CIB4: variants seen among roughly 807,000 people sequenced by gnomAD.
The protein encoded by CIB4 is calcium and integrin-binding family member 4.
Under a neutral mutation model 25.8 loss-of-function variants are expected in CIB4, and 25 were observed. The observed-to-expected ratio is 0.97, with a 90% CI of 0.71 to 1.35. The LOEUF is 1.35. CIB4 is among the 40% of genes most tolerant of loss of function. The pLI is 0.00. For missense variants in CIB4, 235 were observed against 228.2 expected (o/e 1.03, Z -0.19); for synonymous variants, 75 against 81.4 (o/e 0.92, Z 0.42).
intron 2 of CIB4, among the ~76,000 whole-genome samples, chr2:26,635,908 A>C (rs1367518269): frequency 6.6e-6 from 1 of 152,232 alleles, no homozygotes; most frequent in Non-Finnish European, 1.5e-5. Flanking sequence ...TAGATTAAAA[A>C]TGCAAATAGT....
chr2:26,590,280 A>AAAC (rs967982350), intron 4 of CIB4, among the ~76,000 whole-genome samples: 6 of 151,056 alleles, frequency 4.0e-5, no homozygotes, highest in Non-Finnish European at 7.4e-5. Flanking sequence ...AAAAAAAAAA[A>AAAC]AAAACTCACA....
At chr2:26,586,341 C>A (rs186218075) in intron 4 of CIB4, among the ~76,000 whole-genome samples, 73 of 152,356 alleles carry the variant, frequency 4.8e-4, no homozygotes, top group African/African-American at 1.7e-3. Flanking sequence ...CCTCGGGACA[C>A]TCTCACCCAG....
At chr2:26,631,795 ATGAGGGATGGG>A (rs1669424636) in intron 2 of CIB4, among the ~76,000 whole-genome samples, 1 of 152,042 alleles carries the variant, frequency 6.6e-6, no homozygotes, top group Non-Finnish European at 1.5e-5. Context: ...GACTGGAGGT[ATGAGGGATGGG>A]TGGGGATTTA....
Position 26,627,649 on chromosome 2 carries a change from C to T in CIB4, c.186+1761G>A, listed in dbSNP as rs1380260179. On this transcript the variant is annotated intron_variant, in intron 3 of 6. Transcript: ENST00000288861. This position sits in a 1 kb window ranked among gnomAD's most constrained non-coding sequence, Gnocchi z 4.0. ...AGGAAGTGGGGGGTGCCAGGAAGAC[C>T]GCCTCCCCATTTTGTTTCTGTCACA... Among the ~76,000 whole-genome samples, 12 of 152,180 alleles carry T rather than the reference C, an allele frequency of 7.9e-5. No individual in the cohort carries two copies. In the South Asian group the frequency reaches 2.1e-3, roughly 26 times the overall value.
At chr2:26,610,799 T>C (rs1444645169) in intron 3 of CIB4, among the ~76,000 whole-genome samples, 1 of 150,148 alleles carries the variant, frequency 6.7e-6, no homozygotes, top group African/African-American at 2.5e-5. Context: ...AGTAAGTCCA[T>C]TGTATAGATT....
chr2:26,601,231 A>AATATATATAT (rs1165155834), intron 3 of CIB4, among the ~76,000 whole-genome samples: 21 of 17,206 alleles, frequency 1.2e-3, no homozygotes, highest in African/African-American at 3.1e-3. Flanking sequence ...AAAAAAAAAA[A>AATATATATAT]ATATATATAT....
intron 2 of CIB4, among the ~76,000 whole-genome samples, chr2:26,632,126 G>C (rs1392332915): frequency 6.6e-6 from 1 of 152,342 alleles, no homozygotes; most frequent in Non-Finnish European, 1.5e-5. Flanking sequence ...ACCTCTCTGA[G>C]CACGCAGGCC....
chr2:26,639,440 A>G (rs534906178), intron 2 of CIB4, among the ~76,000 whole-genome samples: 3 of 148,178 alleles, frequency 2.0e-5, no homozygotes, highest in Non-Finnish European at 4.4e-5. Context: ...ACTGAGAACC[A>G]TTATTTGAAT....
intron 4 of CIB4, among the ~76,000 whole-genome samples, chr2:26,592,810 T>C (rs1375962299): frequency 6.6e-6 from 1 of 152,268 alleles, no homozygotes; most frequent in Admixed American, 6.5e-5. Context: ...TTCTTTCTTA[T>C]AGTTTCTACT....
chr2:26,610,267 C>T (rs1422188403), intron 3 of CIB4, among the ~76,000 whole-genome samples: 1 of 152,186 alleles, frequency 6.6e-6, no homozygotes, highest in African/African-American at 2.4e-5. Flanking sequence ...TTATCAAACA[C>T]ATCTAAGCAA....
At chr2:26,623,257 C>T (rs879604807) in intron 3 of CIB4, among the ~76,000 whole-genome samples, 12 of 151,844 alleles carry the variant, frequency 7.9e-5, no homozygotes, top group African/African-American at 2.4e-4. Flanking sequence ...GCAGGAGGAT[C>T]GCTTTAGCCC....
At chr2:26,628,701 G>A (rs1195463107) in intron 3 of CIB4, among the ~76,000 whole-genome samples, 2 of 152,204 alleles carry the variant, frequency 1.3e-5, no homozygotes, top group Admixed American at 1.3e-4. Flanking sequence ...AAGGCAGGTT[G>A]GGAGGACAGT....
At chr2:26,594,587 A>G (rs1668643971) in intron 4 of CIB4, among the ~76,000 whole-genome samples, 1 of 152,144 alleles carries the variant, frequency 6.6e-6, no homozygotes, top group Non-Finnish European at 1.5e-5. Flanking sequence ...GCATCTTAAG[A>G]CTTCTTTCTT....
At chr2:26,606,106 C>G (rs1417950097) in intron 3 of CIB4, among the ~76,000 whole-genome samples, 1 of 152,198 alleles carries the variant, frequency 6.6e-6, no homozygotes, top group Non-Finnish European at 1.5e-5. Flanking sequence ...AGCTCATCGT[C>G]TGAACTTCAA....
At chr2:26,611,710 T>C (rs1434614743) in intron 3 of CIB4, among the ~76,000 whole-genome samples, 1 of 151,996 alleles carries the variant, frequency 6.6e-6, no homozygotes, top group Non-Finnish European at 1.5e-5. Context: ...TAGTAACAAA[T>C]AAATAAATAA....
At chr2:26,608,793 C>CA (rs1450050028) in intron 3 of CIB4, among the ~76,000 whole-genome samples, 5 of 152,160 alleles carry the variant, frequency 3.3e-5, no homozygotes, top group African/African-American at 1.2e-4. Context: ...CTGCACTCCC[C>CA]AGCACCCCTG....
intron 2 of CIB4, among the ~76,000 whole-genome samples, chr2:26,635,088 C>T (rs1669506755): frequency 6.6e-6 from 1 of 152,276 alleles, no homozygotes; most frequent in Non-Finnish European, 1.5e-5. Context: ...GAAAAGGCTT[C>T]TTCTGGGACA....
chr2:26,623,668 T>C, intron 3 of CIB4: 1 of 414,872 alleles, frequency 2.4e-6, no homozygotes, highest in South Asian at 1.8e-5. Context: ...GAATAAAATG[T>C]AGCAGGGGCG....
intron 3 of CIB4, among the ~76,000 whole-genome samples, chr2:26,628,523 A>G (rs1301910884): frequency 6.6e-6 from 1 of 152,198 alleles, no homozygotes; most frequent in African/African-American, 2.4e-5. Context: ...GCCCAGGACA[A>G]GTTGTGGAAA....
Sources: allele counts gnomAD v4.1 joint callset (sites outside exome capture counted in the v4.1 genomes callset), GRCh38; gene constraint gnomAD v4.1.1; non-coding constraint Gnocchi (gnomAD v3.1); transcripts MANE v1.5; gene names NCBI Gene and HGNC (gene_info 2026-07-23, HGNC 2026-07-21).